The following PDZD2 variants were observed in gnomAD, a reference collection of about 807,000 sequenced individuals.
The protein encoded by PDZD2 is PDZ domain containing 2.
A neutral mutation model predicts 220.7 loss-of-function variants in PDZD2; 90 were observed. That is an observed-to-expected ratio of 0.41 (90% CI 0.34 to 0.49). The LOEUF (loss-of-function observed/expected upper bound fraction) is 0.49, where lower values mean the gene tolerates loss of function less well. Ranked by LOEUF, PDZD2 falls within the 20% of genes least tolerant of loss-of-function variation. PDZD2 has a pLI of 0.28. For synonymous variants in PDZD2, 1,375 were observed against 1,450.5 expected, an observed-to-expected ratio of 0.95 and a Z score of 1.18; for missense variants, 3,174 against 3,608.5, an observed-to-expected ratio of 0.88 and a Z score of 3.08.
chr5:31,978,172 G>A (rs536549328), intron 2 of PDZD2, among the ~76,000 whole-genome samples: 40 of 152,334 alleles, frequency 2.6e-4, no homozygotes, highest in African/African-American at 9.6e-4. Context: ...AGAAGCATCT[G>A]AAAGACTAAC....
At chr5:31,865,159 C>T (rs1171736352) in intron 2 of PDZD2, among the ~76,000 whole-genome samples, 1 of 151,964 alleles carries the variant, frequency 6.6e-6, no homozygotes, top group African/African-American at 2.4e-5. Flanking sequence ...GATTTGTCAT[C>T]TTATTCTTGT....
chr5:31,887,465 T>C (rs1354628066), intron 2 of PDZD2, among the ~76,000 whole-genome samples: 1 of 152,166 alleles, frequency 6.6e-6, no homozygotes, highest in African/African-American at 2.4e-5. Flanking sequence ...TTAATTTTGT[T>C]TCATTTTGCT....
chr5:31,796,934 GTT>G (rs528831445), intron 1 of PDZD2, among the ~76,000 whole-genome samples: 3 of 142,210 alleles, frequency 2.1e-5, no homozygotes, highest in African/African-American at 2.6e-5. Flanking sequence ...TTGTTTTTTT[GTT>G]TTTTTTTTTG....
rs761299607 is a variant in PDZD2 at position 31,954,395 on chromosome 5, T to A, written c.477-28760T>A. 6.6e-5 allele frequency among the ~76,000 whole-genome samples: 10 copies of A among 152,314 alleles called. No homozygotes were observed. The South Asian group carries it at 1.9e-3, about 28-fold the overall frequency. ...GAAAATGTGTCTCCATGTCTAAATG[T>A]GTTTTTGTAAAATTTTCTTATGGTT... On this transcript the variant is annotated intron_variant, in intron 2 of 24. Transcript: ENST00000438447.
chr5:31,800,847 T>G (rs764960385), intron 2 of PDZD2, among the ~76,000 whole-genome samples: 1 of 152,146 alleles, frequency 6.6e-6, no homozygotes, highest in Non-Finnish European at 1.5e-5. Flanking sequence ...GAGAGAATCA[T>G]GGAGAGAAGG....
At chr5:31,752,352 C>G (rs1751049189) in intron 1 of PDZD2, among the ~76,000 whole-genome samples, 1 of 151,994 alleles carries the variant, frequency 6.6e-6, no homozygotes, top group African/African-American at 2.4e-5. Context: ...AGTTCAAGAC[C>G]AGGCTGGCCA....
At chr5:31,717,643 G>A (rs1321345805) in intron 1 of PDZD2, among the ~76,000 whole-genome samples, 2 of 152,164 alleles carry the variant, frequency 1.3e-5, no homozygotes, top group African/African-American at 4.8e-5. Flanking sequence ...AGTAATGAGA[G>A]ATGCCATGTG....
intron 20 of PDZD2, 129 bp from the exon 21 acceptor site, chr5:32,092,778 A>C: frequency 2.0e-6 from 1 of 498,796 alleles, no homozygotes; most frequent in Non-Finnish European, 3.6e-6. Context: ...GGAAGTTTTG[A>C]CCAAAAGAGA....
intron 8 of PDZD2, among the ~76,000 whole-genome samples, chr5:32,049,755 G>A (rs1369492097): frequency 2.0e-5 from 3 of 152,100 alleles, no homozygotes; most frequent in Non-Finnish European, 4.4e-5. Context: ...GCCCATTTTG[G>A]GTTGAATTCA....
chr5:31,744,590 A>T (rs766081225), intron 1 of PDZD2: 24 of 152,188 alleles, frequency 1.6e-4, no homozygotes, highest in Non-Finnish European at 2.6e-4. Flanking sequence ...AAAAAAAAGA[A>T]GAAAGATTTT....
intron 7 of PDZD2, among the ~76,000 whole-genome samples, chr5:32,038,853 C>T (rs557125386): frequency 6.6e-6 from 1 of 152,312 alleles, no homozygotes; most frequent in East Asian, 1.9e-4. Context: ...CCTGAACTTC[C>T]ACTCCCTCAC....
chr5:32,089,486 G>T lies in PDZD2; in HGVS notation c.6038G>T (p.Cys2013Phe). The change falls in exon 20 of 25, where the codon TGC (cysteine) becomes TTC (phenylalanine). Residue 2013 changes from cysteine to phenylalanine, a missense_variant. Physicochemically the swap from Cys to Phe is radical, Grantham distance 205 (BLOSUM62 -2). Coordinates refer to ENST00000438447, the MANE Select transcript of PDZD2 (RefSeq NM_178140.4). ...GTCCTCTCTGAACCCGACAGAGGTTGCCCAACCACCCCTAAATCTCCTAAG... is the reference window on the plus strand; with the variant it reads ...GTCCTCTCTGAACCCGACAGAGGTTTCCCAACCACCCCTAAATCTCCTAAG... ...MAVLSEPDRGCPTTPKSPKCR... is the reference protein window; with the variant it reads ...MAVLSEPDRGFPTTPKSPKCR... The T allele has an allele frequency of 6.2e-7, 1 of 1,613,408 alleles. No homozygotes were observed. The highest frequency in any genetic ancestry group is 8.5e-7 in the Non-Finnish European group (1 of 1,180,016).
rs535194754 is a variant in PDZD2 at position 31,870,680 on chromosome 5, G to T, written c.476+70956G>T. On this transcript the variant is annotated intron_variant, in intron 2 of 24. Transcript: ENST00000438447. ...AGGTGGGTGGATCACCTGAGGTCAG[G>T]AGTTCGAGACCAGCCTGGCCAACAT... Among the ~76,000 whole-genome samples the T allele has an allele frequency of 2.0e-5, 3 of 152,170 alleles. No individual in the cohort carries two copies. In the South Asian group the frequency reaches 6.2e-4, roughly 32 times the overall value.
At chr5:31,973,225 G>A (rs1749462740) in intron 2 of PDZD2, among the ~76,000 whole-genome samples, 1 of 152,200 alleles carries the variant, frequency 6.6e-6, no homozygotes, top group South Asian at 2.1e-4. Context: ...TTCCCTTCCT[G>A]TGATGCTTTA....
chr5:31,653,907 C>G (rs1292204403), intron 1 of PDZD2, among the ~76,000 whole-genome samples: 3 of 152,184 alleles, frequency 2.0e-5, no homozygotes, highest in African/African-American at 7.2e-5. Flanking sequence ...GCCTCAGCCT[C>G]CCGAGTAGCT....
At chr5:32,104,735 A>T (rs868432520) in intron 24 of PDZD2, among the ~76,000 whole-genome samples, 2,505 of 149,394 alleles carry the variant, frequency 0.017, 122 homozygotes, top group African/African-American at 0.059. Flanking sequence ...AAAAAAAAAA[A>T]AAAAAAAAAA....
chr5:31,933,667 C>T (rs919820094), intron 2 of PDZD2, among the ~76,000 whole-genome samples: 5 of 152,148 alleles, frequency 3.3e-5, no homozygotes, highest in Admixed American at 6.5e-5. Flanking sequence ...GGAAGATTTA[C>T]GTTGTAACCT....
intron 5 of PDZD2, among the ~76,000 whole-genome samples, chr5:32,001,977 A>C (rs1359008997): frequency 6.6e-6 from 1 of 152,224 alleles, no homozygotes; most frequent in Non-Finnish European, 1.5e-5. Flanking sequence ...CCTGTGCAGC[A>C]TGACGCTCTT....
At chr5:31,973,254 G>T (rs970401213) in intron 2 of PDZD2, among the ~76,000 whole-genome samples, 4 of 152,326 alleles carry the variant, frequency 2.6e-5, no homozygotes, top group East Asian at 1.9e-4. Flanking sequence ...GAAATGTGCA[G>T]TGCATCATAT....
Sources: gnomAD v4.1 joint callset for allele counts (sites outside exome capture counted in the v4.1 genomes callset) on GRCh38, gnomAD v4.1.1 for gene constraint, MANE v1.5 for transcripts, NCBI Gene and HGNC (gene_info 2026-07-23, HGNC 2026-07-21) for gene names.